The following ERC2 variants were observed in gnomAD, a reference collection of about 807,000 sequenced individuals.
The protein encoded by ERC2 is ERC protein 2.
ERC2 carries 42 observed loss-of-function variants against 114.8 expected under a neutral mutation model. The observed-to-expected ratio is 0.37, with a 90% CI of 0.29 to 0.47. The LOEUF is 0.47. Among genes scored for constraint, ERC2 ranks in the 20% least tolerant of loss-of-function variants. The pLI is 0.99. For missense variants in ERC2, 939 were observed against 1,150.7 expected, an observed-to-expected ratio of 0.82 and a Z score of 2.66; for synonymous variants, 454 against 425.5, an observed-to-expected ratio of 1.07 and a Z score of -0.82.
chr3:55,518,397 G>T (rs189530889), intron 17 of ERC2, among the ~76,000 whole-genome samples: 2 of 152,278 alleles, frequency 1.3e-5, no homozygotes, highest in Admixed American at 1.3e-4. Context: ...AAATAGGTAG[G>T]TACAACCTCA....
At chr3:55,636,035 C>T (rs1335987829) in intron 17 of ERC2, among the ~76,000 whole-genome samples, 1 of 151,770 alleles carries the variant, frequency 6.6e-6, no homozygotes, top group Non-Finnish European at 1.5e-5. Flanking sequence ...GCCACCATGC[C>T]CGGCTAATTT....
intron 17 of ERC2, among the ~76,000 whole-genome samples, chr3:55,592,314 T>C (rs1458173684): frequency 6.6e-6 from 1 of 152,230 alleles, no homozygotes; most frequent in Non-Finnish European, 1.5e-5. Flanking sequence ...TAAGCTTCTG[T>C]TTTGAAAATA....
chr3:55,597,510 G>A (rs1345514701), intron 17 of ERC2, among the ~76,000 whole-genome samples: 4 of 151,822 alleles, frequency 2.6e-5, no homozygotes, highest in African/African-American at 9.7e-5. Context: ...CTCATTTTCT[G>A]AGGCTTGTCT....
chr3:55,883,801 T>C (rs1030441088), intron 14 of ERC2, among the ~76,000 whole-genome samples: 19 of 152,054 alleles, frequency 1.2e-4, no homozygotes, highest in African/African-American at 4.6e-4. Flanking sequence ...GGCAGGAGAA[T>C]GGTGTGAACC....
At chr3:56,010,416 A>G in intron 9 of ERC2, 33 bp downstream of exon 9, 1 of 1,607,906 alleles carries the variant, frequency 6.2e-7, no homozygotes, top group Non-Finnish European at 8.5e-7. Context: ...TATGAGGACT[A>G]TCAATGTGGT....
intron 14 of ERC2, among the ~76,000 whole-genome samples, chr3:55,770,889 T>C (rs1176793964): frequency 6.7e-6 from 1 of 149,616 alleles, no homozygotes; most frequent in Admixed American, 6.7e-5. Flanking sequence ...AGTGAGAACA[T>C]GCGGTGTTTG....
intron 7 of ERC2, among the ~76,000 whole-genome samples, chr3:56,041,131 T>C (rs1036794861): frequency 1.3e-5 from 2 of 152,122 alleles, no homozygotes; most frequent in Non-Finnish European, 2.9e-5. Context: ...GTATAATGGG[T>C]TATTTTCTTG....
At chr3:56,392,190 G>C (rs966199792) in intron 2 of ERC2, among the ~76,000 whole-genome samples, 1 of 152,154 alleles carries the variant, frequency 6.6e-6, no homozygotes, top group African/African-American at 2.4e-5. Flanking sequence ...GATTTATCCA[G>C]GCAAACATTT....
At chr3:56,298,151 C>G (rs908300021) in intron 2 of ERC2, among the ~76,000 whole-genome samples, 2 of 152,176 alleles carry the variant, frequency 1.3e-5, no homozygotes, top group African/African-American at 4.8e-5. Flanking sequence ...TCAGAGACAC[C>G]TCATGCCCTT....
intron 17 of ERC2, among the ~76,000 whole-genome samples, chr3:55,514,152 T>A (rs1371093681): frequency 6.6e-6 from 1 of 152,202 alleles, no homozygotes; most frequent in Non-Finnish European, 1.5e-5. Flanking sequence ...ATCCTAGCAC[T>A]TTGTGAGGCT....
intron 16 of ERC2, among the ~76,000 whole-genome samples, chr3:55,686,943 C>T (rs903735120): frequency 1.3e-5 from 2 of 152,064 alleles, no homozygotes; most frequent in Non-Finnish European, 2.9e-5. Context: ...GACCGAAGCC[C>T]AGAGAGCACA....
intron 3 of ERC2, among the ~76,000 whole-genome samples, chr3:56,198,579 C>G (rs1424440556): frequency 6.6e-6 from 1 of 152,134 alleles, no homozygotes; most frequent in East Asian, 1.9e-4. Flanking sequence ...ATAGGATGCT[C>G]AGACTTCTGA....
At chr3:56,144,029 A>G (rs1302774649) in intron 5 of ERC2, among the ~76,000 whole-genome samples, 3 of 152,250 alleles carry the variant, frequency 2.0e-5, no homozygotes, top group Non-Finnish European at 4.4e-5. Context: ...TCATCTTGCT[A>G]GCCAAATCTA....
intron 14 of ERC2, among the ~76,000 whole-genome samples, chr3:55,748,264 G>A (rs191770118): frequency 6.6e-6 from 1 of 152,242 alleles, no homozygotes; most frequent in East Asian, 1.9e-4. Context: ...GTTCCTCTAG[G>A]GTGGCTATTT....
At chr3:56,450,119 T>A (rs2062763643) in intron 1 of ERC2, among the ~76,000 whole-genome samples, 1 of 152,258 alleles carries the variant, frequency 6.6e-6, no homozygotes. Context: ...AAAGTCCAGC[T>A]TAATACAGCA....
At chr3:55,988,348 T>G (rs2070794361) in intron 11 of ERC2, among the ~76,000 whole-genome samples, 1 of 152,114 alleles carries the variant, frequency 6.6e-6, no homozygotes, top group African/African-American at 2.4e-5. Flanking sequence ...AGGCAGAAGC[T>G]CCCCACTGGG....
rs115991637 is a variant in ERC2 at position 55,978,849 on chromosome 3, T to C, written c.2267+7128A>G. The stretch of plus-strand genomic sequence containing the variant: ...AATAACTTGGACTGTGAATGAAATA[T>C]TAATATAAACTAATAATAGGTCTGT... On this transcript the variant is annotated intron_variant, in intron 12 of 17. Coordinates refer to ENST00000288221, the MANE Select transcript of ERC2 (RefSeq NM_015576.3). 7.0e-3 allele frequency among the ~76,000 whole-genome samples: 1,060 copies of C among 152,326 alleles called. 14 individuals are homozygous for C. Among genetic ancestry groups the C allele is most frequent in the African/African-American group, 0.024 (1,000 of 41,564 alleles).
intron 6 of ERC2, among the ~76,000 whole-genome samples, chr3:56,094,333 C>T (rs1024936921): frequency 2.0e-5 from 3 of 152,084 alleles, no homozygotes; most frequent in South Asian, 4.1e-4. Context: ...TCCTGCATTC[C>T]CCAGGGCAAC....
chr3:55,536,516 G>A (rs1050876924), intron 17 of ERC2, among the ~76,000 whole-genome samples: 1 of 152,214 alleles, frequency 6.6e-6, no homozygotes, highest in African/African-American at 2.4e-5. Context: ...GTATTGATTG[G>A]CTGAGCTGAC....
Sources: gnomAD v4.1 joint callset for allele counts (sites outside exome capture counted in the v4.1 genomes callset) on GRCh38, gnomAD v4.1.1 for gene constraint, MANE v1.5 for transcripts, NCBI Gene and HGNC (gene_info 2026-07-23, HGNC 2026-07-21) for gene names.